SSH2: variants seen among roughly 807,000 people sequenced by gnomAD.
SSH2 encodes protein phosphatase Slingshot homolog 2.
SSH2 carries 37 observed loss-of-function variants against 135.2 expected under a neutral mutation model. That is an observed-to-expected ratio of 0.27 (90% CI 0.21 to 0.36). The LOEUF (loss-of-function observed/expected upper bound fraction) is 0.36. Ranked by LOEUF, SSH2 falls within the 10% of genes least tolerant of loss-of-function variation. The pLI is 1.00. For synonymous variants in SSH2, 628 were observed against 646.2 expected (o/e 0.97, Z 0.43); for missense variants, 1,408 against 1,765.3 (o/e 0.80, Z 3.63).
At chr17:29,660,704 C>T (rs944496331) in intron 11 of SSH2, among the ~76,000 whole-genome samples, 11 of 152,048 alleles carry the variant, frequency 7.2e-5, no homozygotes, top group Non-Finnish European at 1.6e-4. Context: ...CTCATAAATC[C>T]TCCTGCAGAC....
intron 3 of SSH2, among the ~76,000 whole-genome samples, chr17:29,733,910 CTTTTTTT>C (rs200752788): frequency 7.7e-6 from 1 of 130,538 alleles, no homozygotes; most frequent in African/African-American, 2.9e-5. Flanking sequence ...TAATTTCTTT[CTTTTTTT>C]TTTTTTTTTT....
intron 1 of SSH2, among the ~76,000 whole-genome samples, chr17:29,881,735 C>T (rs1413510917): frequency 2.0e-5 from 3 of 152,038 alleles, no homozygotes; most frequent in Admixed American, 6.6e-5. Context: ...CTCCTGACCT[C>T]GTGATCTGCC....
In SSH2 at chr17:29,636,626, AC is replaced by A; in HGVS notation, c.1603del (p.Val535TrpfsTer20). On this transcript the variant is annotated frameshift_variant, in exon 15 of 16. Coordinates refer to ENST00000540801, the MANE Select transcript of SSH2 (RefSeq NM_001282129.2). LOFTEE classifies it high-confidence loss of function. The stretch of plus-strand genomic sequence containing the variant: ...TGCATCTTGTGGGACCATATGTTCC[AC>A]AAAGACAGGAGGTATGGGTGGGTGA... ...ESHPPIPPVF[V>X]EHMVPQDANQ... The A allele has an allele frequency of 1.2e-6, 2 of 1,614,190 alleles. No individual in the cohort carries two copies. Among genetic ancestry groups the A allele is most frequent in the Non-Finnish European group, 1.7e-6 (2 of 1,180,030 alleles).
chr17:29,890,769 T>C (rs1196065634), intron 1 of SSH2, among the ~76,000 whole-genome samples: 1 of 152,206 alleles, frequency 6.6e-6, no homozygotes, highest in Non-Finnish European at 1.5e-5. Flanking sequence ...ATTTGAATTA[T>C]ATTTCACTAA....
intron 2 of SSH2, among the ~76,000 whole-genome samples, chr17:29,808,714 C>T (rs1379666183): frequency 2.0e-5 from 3 of 152,060 alleles, no homozygotes; most frequent in African/African-American, 7.2e-5. Context: ...CCTTTAAAGT[C>T]AGAGGTAAGG....
chr17:29,725,590 C>T (rs1469934940), intron 3 of SSH2, among the ~76,000 whole-genome samples: 2 of 152,106 alleles, frequency 1.3e-5, no homozygotes, highest in Non-Finnish European at 2.9e-5. Flanking sequence ...GAGTTTATGT[C>T]CTTTGCAGGG....
chr17:29,858,863 C>A (rs1014756546), intron 1 of SSH2, among the ~76,000 whole-genome samples: 1 of 151,884 alleles, frequency 6.6e-6, no homozygotes. Context: ...CAGAGCAAGA[C>A]CCTGTCTCAA....
intron 3 of SSH2, among the ~76,000 whole-genome samples, chr17:29,722,166 T>A (rs1347989332): frequency 6.6e-6 from 1 of 151,430 alleles, no homozygotes; most frequent in East Asian, 1.9e-4. Context: ...TCCCAGCTAC[T>A]CGGGAGGCTG....
intron 5 of SSH2, among the ~76,000 whole-genome samples, chr17:29,690,404 CAAA>C (rs1272605484): frequency 1.5e-4 from 14 of 90,330 alleles, no homozygotes; most frequent in Admixed American, 1.3e-4. Flanking sequence ...AACTCTGTCT[CAAA>C]AAAAAAAAAA....
intron 6 of SSH2, among the ~76,000 whole-genome samples, chr17:29,682,554 G>A (rs933943609): frequency 6.6e-6 from 1 of 152,128 alleles, no homozygotes; most frequent in Non-Finnish European, 1.5e-5. Flanking sequence ...GGAAGGCAGA[G>A]GCAGGAGCTC....
chr17:29,697,150 A>C (rs1235889954), intron 4 of SSH2, among the ~76,000 whole-genome samples: 2 of 152,172 alleles, frequency 1.3e-5, no homozygotes, highest in African/African-American at 4.8e-5. Flanking sequence ...ATTTCCTCAT[A>C]TTCCTAGGAA....
At chr17:29,657,737 A>T (rs2151014856) in intron 11 of SSH2, among the ~76,000 whole-genome samples, 1 of 150,524 alleles carries the variant, frequency 6.6e-6, no homozygotes, top group East Asian at 2.0e-4. Flanking sequence ...TGCCTTGCTA[A>T]TTTTTTTACT....
At chr17:29,750,159 C>T (rs1168847645) in intron 3 of SSH2, among the ~76,000 whole-genome samples, 3 of 150,904 alleles carry the variant, frequency 2.0e-5, no homozygotes, top group East Asian at 2.0e-4. Context: ...AAAAACTGGC[C>T]GGGAGGGGTG....
intron 5 of SSH2, among the ~76,000 whole-genome samples, chr17:29,693,669 T>C (rs1226902568): frequency 5.9e-5 from 9 of 152,168 alleles, no homozygotes; most frequent in African/African-American, 2.2e-4. Context: ...TTTATATAAA[T>C]GTATAATGTT....
chr17:29,813,100 G>C (rs1213527712), intron 2 of SSH2, among the ~76,000 whole-genome samples: 1 of 151,872 alleles, frequency 6.6e-6, no homozygotes, highest in Non-Finnish European at 1.5e-5. Flanking sequence ...AAAAAAATGG[G>C]GGCAGGGCAC....
At chr17:29,807,780 G>A (rs1479603458) in intron 2 of SSH2, among the ~76,000 whole-genome samples, 1 of 151,594 alleles carries the variant, frequency 6.6e-6, no homozygotes. Flanking sequence ...GAGGTAGCCA[G>A]GGAAGGTATT....
intron 5 of SSH2, 39 bp from the exon 6 acceptor site, chr17:29,684,723 G>T: frequency 1.3e-6 from 2 of 1,588,220 alleles, no homozygotes; most frequent in South Asian, 1.1e-5. Flanking sequence ...ATGAAATTTA[G>T]GACATTAATT....
chr17:29,916,868 G>GAAGAA (rs2151481206), intron 1 of SSH2, among the ~76,000 whole-genome samples: 1 of 152,170 alleles, frequency 6.6e-6, no homozygotes, highest in Admixed American at 6.5e-5. Flanking sequence ...TTGTAATTAT[G>GAAGAA]AAGAAAAGGC....
intron 1 of SSH2, chr17:29,855,822 G>A (rs147811632): frequency 0.019 from 3,167 of 168,560 alleles, 50 homozygotes; most frequent in Middle Eastern, 0.056. Flanking sequence ...CACTCTGAAA[G>A]GATGCACAGT....
Sources: allele counts gnomAD v4.1 joint callset (sites outside exome capture counted in the v4.1 genomes callset), GRCh38; gene constraint gnomAD v4.1.1; transcripts MANE v1.5; gene names NCBI Gene and HGNC (gene_info 2026-07-23, HGNC 2026-07-21).